The following NR2F1-AS1 variants were observed in gnomAD, a reference collection of about 807,000 sequenced individuals.
NR2F1-AS1 encodes NR2F1 antisense RNA 1.
chr5:93,424,349 T>A (rs1749152923), intron 4 of NR2F1-AS1, among the ~76,000 whole-genome samples: 3 of 151,206 alleles, frequency 2.0e-5, no homozygotes, highest in Admixed American at 6.6e-5. Context: ...TCAAATTAAA[T>A]CATAAATTAT....
chr5:93,419,052 A>T (rs1290913999), intron 4 of NR2F1-AS1, among the ~76,000 whole-genome samples: 1 of 152,200 alleles, frequency 6.6e-6, no homozygotes. Context: ...AAAAACAAAA[A>T]CATTACCATG....
chr5:93,534,131 A>T (rs1194918071), intron 4 of NR2F1-AS1, among the ~76,000 whole-genome samples: 1 of 152,194 alleles, frequency 6.6e-6, no homozygotes, highest in Non-Finnish European at 1.5e-5. Context: ...GCATTCAAGT[A>T]AAATAACATG....
intron 4 of NR2F1-AS1, among the ~76,000 whole-genome samples, chr5:93,461,165 G>A (rs1454878947): frequency 6.6e-6 from 1 of 152,170 alleles, no homozygotes; most frequent in Non-Finnish European, 1.5e-5. Flanking sequence ...AAAAAGGAAC[G>A]AGATCATGTC....
At chr5:93,560,413 TA>T (rs1752461288) in intron 2 of NR2F1-AS1, among the ~76,000 whole-genome samples, 1 of 152,222 alleles carries the variant, frequency 6.6e-6, no homozygotes, top group African/African-American at 2.4e-5. Flanking sequence ...ATTCAAAACC[TA>T]ATCTTGGAAC....
chr5:93,499,445 T>C (rs1465082589), intron 4 of NR2F1-AS1, among the ~76,000 whole-genome samples: 2 of 152,190 alleles, frequency 1.3e-5, no homozygotes, highest in East Asian at 3.8e-4. Flanking sequence ...ACTTTTTCAT[T>C]ATTACTGTAT....
At chr5:93,424,603 G>A (rs1749157898) in intron 4 of NR2F1-AS1, among the ~76,000 whole-genome samples, 1 of 152,024 alleles carries the variant, frequency 6.6e-6, no homozygotes, top group Admixed American at 6.6e-5. Flanking sequence ...CCTACCACCA[G>A]CCTCTGCACT....
At chr5:93,576,400 G>T (rs1451690844) in intron 1 of NR2F1-AS1, among the ~76,000 whole-genome samples, 5 of 149,484 alleles carry the variant, frequency 3.3e-5, no homozygotes, top group African/African-American at 1.2e-4. Flanking sequence ...CTGTTCTATT[G>T]CTTATATCAG....
intron 4 of NR2F1-AS1, among the ~76,000 whole-genome samples, chr5:93,480,697 T>C (rs1160411303): frequency 1.3e-5 from 2 of 152,184 alleles, no homozygotes; most frequent in East Asian, 3.9e-4. Flanking sequence ...TATATGTCAA[T>C]GGGCACATAA....
Position 93,470,688 on chromosome 5 carries a change from T to A in NR2F1-AS1, n.639-75146A>T, listed in dbSNP as rs564089417. The stretch of plus-strand genomic sequence containing the variant: ...ACATGCCTGTGTCTGACACTACTCA[T>A]ATAGATGAAAGCATACAGTCATTTT... On this transcript the variant is annotated intron_variant and non_coding_transcript_variant, in intron 4 of 5. Coordinates refer to ENST00000660523, the Ensembl canonical transcript of NR2F1-AS1. 2.0e-5 allele frequency among the ~76,000 whole-genome samples: 3 copies of A among 151,958 alleles called. No homozygotes were observed. In the South Asian group the frequency reaches 6.2e-4, roughly 31 times the overall value.
Position 93,497,489 on chromosome 5 carries a change from C to T in NR2F1-AS1, n.638+56272G>A, listed in dbSNP as rs1287234474. ...TTCAACATGTGGATGAAAGGTCCTACTTTGGTAAATTCAATTAGATGGAAA... is the reference window on the plus strand; with the variant it reads ...TTCAACATGTGGATGAAAGGTCCTATTTTGGTAAATTCAATTAGATGGAAA... On this transcript the variant is annotated intron_variant and non_coding_transcript_variant, in intron 4 of 5. Transcript: ENST00000660523. 2.0e-5 allele frequency among the ~76,000 whole-genome samples: 3 copies of T among 152,136 alleles called. No individual in the cohort carries two copies. In the East Asian group the frequency reaches 5.8e-4, roughly 29 times the overall value.
chr5:93,585,234 G>A (rs1131691363), upstream of NR2F1-AS1: 3 of 1,555,376 alleles, frequency 1.9e-6, no homozygotes, highest in East Asian at 2.4e-5. Context: ...GGGGGACAAG[G>A]GCCAGGGCCC....
At chr5:93,547,253 G>A (rs1036849210) in intron 4 of NR2F1-AS1, among the ~76,000 whole-genome samples, 3 of 152,166 alleles carry the variant, frequency 2.0e-5, no homozygotes, top group Non-Finnish European at 4.4e-5. Flanking sequence ...TACATTATTT[G>A]AGGCTTTAAA....
At chr5:93,508,571 C>CA (rs973658253) in intron 4 of NR2F1-AS1, among the ~76,000 whole-genome samples, 1 of 151,576 alleles carries the variant, frequency 6.6e-6, no homozygotes, top group African/African-American at 2.4e-5. Flanking sequence ...TCTTAAGACC[C>CA]AAAAAAGTAG....
chr5:93,565,542 T>C (rs1048552475), intron 1 of NR2F1-AS1, among the ~76,000 whole-genome samples: 1 of 152,134 alleles, frequency 6.6e-6, no homozygotes, highest in African/African-American at 2.4e-5. Context: ...AAATATATTC[T>C]GGAAGGCTTC....
At chr5:93,469,255 T>C (rs1030425319) in intron 4 of NR2F1-AS1, among the ~76,000 whole-genome samples, 4 of 152,146 alleles carry the variant, frequency 2.6e-5, no homozygotes, top group African/African-American at 7.2e-5. Context: ...ATATATGGTA[T>C]GGCCTATTGT....
At chr5:93,543,461 A>T (rs1273843991) in intron 4 of NR2F1-AS1, 1 of 152,234 alleles carries the variant, frequency 6.6e-6, no homozygotes, top group African/African-American at 2.4e-5. Context: ...ACAATGACTG[A>T]AATTTAAAAC....
upstream of NR2F1-AS1, chr5:93,585,557 C>T (rs1217537351): frequency 2.3e-6 from 3 of 1,308,958 alleles, no homozygotes; most frequent in Admixed American, 3.9e-5. Flanking sequence ...CTTTCTCGCC[C>T]GGGTGGTTGC....
At chr5:93,549,911 C>A (rs1752185305) in intron 4 of NR2F1-AS1, among the ~76,000 whole-genome samples, 1 of 151,834 alleles carries the variant, frequency 6.6e-6, no homozygotes. Flanking sequence ...GGGAGCTGAA[C>A]AATGAGAACA....
At chr5:93,441,594 T>C (rs1749572393) in intron 4 of NR2F1-AS1, among the ~76,000 whole-genome samples, 1 of 152,210 alleles carries the variant, frequency 6.6e-6, no homozygotes, top group African/African-American at 2.4e-5. Context: ...GTAGCTCAAC[T>C]TTATAACCAA....
Sources: allele counts gnomAD v4.1 joint callset (sites outside exome capture counted in the v4.1 genomes callset), GRCh38; gene constraint gnomAD v4.1.1; transcripts MANE v1.5; gene names NCBI Gene and HGNC (gene_info 2026-07-23, HGNC 2026-07-21).